Variants in PTCHD4 observed in about 807,000 individuals in gnomAD.
PTCHD4 encodes patched domain-containing protein 4.
Under a neutral mutation model 58.1 loss-of-function variants are expected in PTCHD4, and 33 were observed. That is an observed-to-expected ratio of 0.57 (90% CI 0.43 to 0.76). PTCHD4 has a LOEUF of 0.76. Ranked by LOEUF, PTCHD4 falls within the 30% of genes least tolerant of loss-of-function variation. The pLI is 0.00. For missense variants in PTCHD4, 1,058 were observed against 1,027.1 expected, an observed-to-expected ratio of 1.03 and a Z score of -0.41; for synonymous variants, 478 against 409.6, an observed-to-expected ratio of 1.17 and a Z score of -2.02.
chr6:47,901,680 G>A (rs942466905), intron 4 of PTCHD4: 5 of 1,156,064 alleles, frequency 4.3e-6, no homozygotes, highest in Non-Finnish European at 4.3e-6. Flanking sequence ...GAAATACCTG[G>A]AGGATACTTA....
Position 47,923,326 on chromosome 6 carries a change from T to C in PTCHD4, c.899-43390A>G, listed in dbSNP as rs993244190. ...ATTTCTGGAACTTGGAAGTATATTA[T>C]ATACTATATTTCATTGGGAATTCTT... On this transcript the variant is annotated intron_variant, in intron 4 of 4. Transcript: ENST00000339488. Among the ~76,000 whole-genome samples, 8 of 152,200 alleles carry C rather than the reference T, an allele frequency of 5.3e-5. No individual in the cohort carries two copies. In the South Asian group the frequency reaches 8.3e-4, roughly 16 times the overall value.
In PTCHD4 at chr6:48,016,225, G is replaced by A. The variant is rs1048852538; in HGVS notation, c.418-7111C>T. On this transcript the variant is annotated intron_variant, in intron 3 of 4. Coordinates refer to ENST00000339488, the MANE Select transcript of PTCHD4 (RefSeq NM_001384253.1). ...GGCAAAAGCCAGCGTAAGATGCTCA[G>A]GGACCTGAAGGGAGTAATAGGATTT... Among the ~76,000 whole-genome samples the A allele has an allele frequency of 2.6e-5, 4 of 151,988 alleles. 1 individual carries two copies. The highest frequency in any genetic ancestry group is 7.3e-5 in the African/African-American group (3 of 41,272).
chr6:48,073,736 G>A (rs1765014843), intron 1 of PTCHD4, among the ~76,000 whole-genome samples: 1 of 152,118 alleles, frequency 6.6e-6, no homozygotes, highest in African/African-American at 2.4e-5. Context: ...AGTTGCAAAT[G>A]GGAAAAGAGC....
rs754426873 is a variant in PTCHD4 at position 47,862,615 on chromosome 6, G to A, written c.*15688C>T. On this transcript the variant is annotated 3_prime_UTR_variant, in exon 5 of 5. Coordinates refer to ENST00000339488, the MANE Select transcript of PTCHD4 (RefSeq NM_001384253.1). ...CCTGAAATTGTACTGGGACAGAAGGGAAAAATTAGTTCTGTGTTATTTTAA... is the reference window on the plus strand; with the variant it reads ...CCTGAAATTGTACTGGGACAGAAGGAAAAAATTAGTTCTGTGTTATTTTAA... Among the ~76,000 whole-genome samples, 15 of 151,714 alleles carry A rather than the reference G, an allele frequency of 9.9e-5. No homozygotes were observed. Among genetic ancestry groups the A allele is most frequent in the Non-Finnish European group, 1.8e-4 (12 of 67,790 alleles).
chr6:48,026,531 C>T (rs938231725), intron 3 of PTCHD4, among the ~76,000 whole-genome samples: 2 of 152,068 alleles, frequency 1.3e-5, no homozygotes, highest in African/African-American at 4.8e-5. Context: ...TATATGTCCC[C>T]TTCAAACCCA....
Position 47,879,477 on chromosome 6 carries a change from T to C in PTCHD4, c.1358A>G (p.Glu453Gly), listed in dbSNP as rs1240612936. 6.2e-7 allele frequency: 1 copy of C among 1,613,680 alleles called. No homozygotes were observed. Among genetic ancestry groups the C allele is most frequent in the Admixed American group, 1.7e-5 (1 of 59,954 alleles). Residue 453 changes from glutamate to glycine, a missense_variant, in exon 5 of 5, where the codon GAA becomes GGA. By Grantham distance (98) the Glu-to-Gly change is moderately conservative. Transcript: ENST00000339488. ...IQHFLREHYNEWITNIYVKPF... is the reference protein window; with the variant it reads ...IQHFLREHYNGWITNIYVKPF... Reference sequence around the variant, plus strand: ...CTTCACATATATATTGGTAATCCATTCATTATAATGTTCACGGAGGAAGTG... The same window carrying C: ...CTTCACATATATATTGGTAATCCATCCATTATAATGTTCACGGAGGAAGTG...
chr6:47,989,189 T>C (rs1768192383), intron 4 of PTCHD4, among the ~76,000 whole-genome samples: 1 of 152,152 alleles, frequency 6.6e-6, no homozygotes, highest in South Asian at 2.1e-4. Flanking sequence ...AGAAAGATGA[T>C]TTAGAGTATC....
At chr6:47,914,037 T>C (rs1400015775) in intron 4 of PTCHD4, among the ~76,000 whole-genome samples, 1 of 152,168 alleles carries the variant, frequency 6.6e-6, no homozygotes, top group Non-Finnish European at 1.5e-5. Flanking sequence ...TATTGTCCAA[T>C]GATCTGGCTA....
intron 4 of PTCHD4, among the ~76,000 whole-genome samples, chr6:47,948,365 G>C (rs770898860): frequency 6.6e-6 from 1 of 152,130 alleles, no homozygotes. Context: ...CACAGAAGTG[G>C]CATCCCACCA....
intron 4 of PTCHD4, chr6:47,900,422 G>T (rs1764661055): frequency 6.6e-6 from 1 of 152,140 alleles, no homozygotes; most frequent in Non-Finnish European, 1.5e-5. Context: ...TATCTTCTTA[G>T]AATAAATGTC....
In PTCHD4 at chr6:47,907,342, G is replaced by A. The variant is rs112166961; in HGVS notation, c.899-27406C>T. 6.6e-3 allele frequency among the ~76,000 whole-genome samples: 997 copies of A among 152,202 alleles called. 10 individuals are homozygous for A. The highest frequency in any genetic ancestry group is 0.023 in the African/African-American group (949 of 41,526). ...TTTGTTAATGATTATAATAAATAAGGTGAGACTTCTGATTTTGTGCAAGAT... is the reference window on the plus strand; with the variant it reads ...TTTGTTAATGATTATAATAAATAAGATGAGACTTCTGATTTTGTGCAAGAT... On this transcript the variant is annotated intron_variant, in intron 4 of 4. Coordinates refer to ENST00000339488, the MANE Select transcript of PTCHD4 (RefSeq NM_001384253.1).
intron 4 of PTCHD4, among the ~76,000 whole-genome samples, chr6:47,912,741 A>G (rs1485021072): frequency 1.1e-4 from 16 of 152,148 alleles, no homozygotes; most frequent in Admixed American, 1.0e-3. Flanking sequence ...GTCAAATAAT[A>G]TAATTCATTG....
chr6:48,073,269 G>A (rs1453545241), intron 1 of PTCHD4, among the ~76,000 whole-genome samples: 1 of 152,132 alleles, frequency 6.6e-6, no homozygotes, highest in Admixed American at 6.5e-5. Context: ...GAATCAAGTT[G>A]GGACTTATTA....
At chr6:48,001,987 C>A (rs1455499638) in intron 4 of PTCHD4, among the ~76,000 whole-genome samples, 1 of 152,202 alleles carries the variant, frequency 6.6e-6, no homozygotes, top group Non-Finnish European at 1.5e-5. Context: ...GACATTTATG[C>A]AGCCAAAAGA....
At chr6:47,969,280 C>A (rs1208743841) in intron 4 of PTCHD4, among the ~76,000 whole-genome samples, 1 of 152,226 alleles carries the variant, frequency 6.6e-6, no homozygotes, top group Non-Finnish European at 1.5e-5. Context: ...TGTACTCCTA[C>A]TAGTCACCTG....
Position 48,068,725 on chromosome 6 carries a change from C to T in PTCHD4, c.6-84G>A. The T allele has an allele frequency of 7.3e-7, 1 of 1,365,072 alleles. No individual in the cohort carries two copies. Among genetic ancestry groups the T allele is most frequent in the South Asian group, 1.4e-5 (1 of 69,234 alleles). 84.6% of individuals were successfully genotyped at this position (1,365,072 alleles called of 1,614,324 possible). On this transcript the variant is annotated intron_variant, in intron 2 of 4. Coordinates refer to ENST00000339488, the MANE Select transcript of PTCHD4 (RefSeq NM_001384253.1). The surrounding 1 kb of genome is among the most constrained non-coding windows in gnomAD (Gnocchi z 4.2). ...CCCCCTGGGGCCAGTCCCCCCTCCCCACCGCCGCCGCCTCCCCACCCACTC... is the reference window on the plus strand; with the variant it reads ...CCCCCTGGGGCCAGTCCCCCCTCCCTACCGCCGCCGCCTCCCCACCCACTC...
At chr6:47,999,454 G>A (rs537735565) in intron 4 of PTCHD4, among the ~76,000 whole-genome samples, 20 of 152,252 alleles carry the variant, frequency 1.3e-4, no homozygotes, top group African/African-American at 4.1e-4. Flanking sequence ...ATTTTAGGAA[G>A]GATTTTGATG....
At chr6:47,982,777 G>GC (rs553187267) in intron 4 of PTCHD4, among the ~76,000 whole-genome samples, 11 of 152,088 alleles carry the variant, frequency 7.2e-5, no homozygotes, top group Non-Finnish European at 1.6e-4. Context: ...ATGAGCCACC[G>GC]CACCCAGCCG....
At position 48,095,747 on chromosome 6, in the gene PTCHD4, A is replaced by AC. The variant is rs1015459821; in HGVS notation, c.-970+15301dup. On this transcript the variant is annotated intron_variant, in intron 1 of 4. Coordinates refer to ENST00000339488, the MANE Select transcript of PTCHD4 (RefSeq NM_001384253.1). ...CAAAAGGAACCAAAAAAAAAAAAAA[A>AC]CAAATATAACTGTTGTGTTTCTATG... is the stretch of plus-strand genomic sequence containing the variant. Among the ~76,000 whole-genome samples the AC allele has an allele frequency of 1.9e-4, 28 of 150,798 alleles. 1 individual carries two copies. In the East Asian group the frequency reaches 3.9e-3, roughly 21 times the overall value.
Sources: gnomAD v4.1 joint callset for allele counts (sites outside exome capture counted in the v4.1 genomes callset) on GRCh38, gnomAD v4.1.1 for gene constraint, Gnocchi (gnomAD v3.1) non-coding constraint, MANE v1.5 for transcripts, NCBI Gene and HGNC (gene_info 2026-07-23, HGNC 2026-07-21) for gene names.